The following LRCH3 variants were observed in gnomAD, a reference collection of about 807,000 sequenced individuals.
LRCH3 encodes leucine rich repeats and calponin homology domain containing 3, also known as DISP complex protein LRCH3.
LRCH3 carries 68 observed loss-of-function variants against 104.5 expected under a neutral mutation model. The observed-to-expected ratio is 0.65, with a 90% CI of 0.54 to 0.80. The LOEUF is 0.80. LRCH3 is among the 30% of genes least tolerant of loss of function. LRCH3 has a pLI of 0.00. For synonymous variants in LRCH3, 344 were observed against 361.3 expected (o/e 0.95, Z 0.54); for missense variants, 951 against 953.9 (o/e 1.00, Z 0.04).
chr3:197,869,077 G>C (rs1039310730), intron 17 of LRCH3, among the ~76,000 whole-genome samples: 3 of 152,194 alleles, frequency 2.0e-5, no homozygotes, highest in African/African-American at 7.2e-5. Context: ...GTGTATATTT[G>C]AAAATCTCCA....
intron 1 of LRCH3, among the ~76,000 whole-genome samples, chr3:197,803,051 T>C (rs1241736137): frequency 6.6e-6 from 1 of 152,160 alleles, no homozygotes; most frequent in Non-Finnish European, 1.5e-5. Context: ...GTGCTAAGAG[T>C]TGTTTTCTCA....
At chr3:197,836,912 G>C (rs557726218) in intron 9 of LRCH3, among the ~76,000 whole-genome samples, 1 of 151,910 alleles carries the variant, frequency 6.6e-6, no homozygotes, top group African/African-American at 2.4e-5. Context: ...TCCTGACCTC[G>C]GGTGATCTGC....
At chr3:197,847,506 G>C (rs770014655) in intron 11 of LRCH3, 46 bp downstream of exon 11, 1 of 1,515,404 alleles carries the variant, frequency 6.6e-7, no homozygotes, top group African/African-American at 1.4e-5. Context: ...AAACTAAGAT[G>C]ATTTTTTTTC....
intron 5 of LRCH3, among the ~76,000 whole-genome samples, chr3:197,827,388 C>CCATAGTGGAAGCATCAGGTAAAT (rs1735351087): frequency 2.6e-5 from 4 of 151,246 alleles, no homozygotes; most frequent in African/African-American, 9.8e-5. Flanking sequence ...ATCAGGTAAA[C>CCATAGTGGAAGCATCAGGTAAAT]CATAGTGGAA....
At chr3:197,820,211 G>T (rs764767627) in intron 3 of LRCH3, 114 bp from the exon 4 acceptor site, 8 of 711,426 alleles carry the variant, frequency 1.1e-5, no homozygotes, top group Non-Finnish European at 2.0e-5. Context: ...ATTGAATTAA[G>T]CTATTAAGTG....
At chr3:197,879,450 T>G (rs539364425) in intron 20 of LRCH3, among the ~76,000 whole-genome samples, 13 of 150,540 alleles carry the variant, frequency 8.6e-5, no homozygotes, top group South Asian at 4.2e-4. Context: ...ATCGAGACCA[T>G]CCTGGCTAAC....
intron 7 of LRCH3, 120 bp from the exon 8 acceptor site, chr3:197,832,077 C>T: frequency 1.0e-6 from 1 of 964,636 alleles, no homozygotes; most frequent in Non-Finnish European, 1.5e-6. Flanking sequence ...GCACATCTAG[C>T]TAATTTACTC....
In LRCH3 at chr3:197,885,054, G is replaced by GCCCTCTAT. The variant is rs1323106893; in HGVS notation, c.*1389_*1396dup. The GCCCTCTAT allele has an allele frequency of 1.3e-5, 2 of 152,152 alleles. No homozygotes were observed. Among genetic ancestry groups the GCCCTCTAT allele is most frequent in the Non-Finnish European group, 2.9e-5 (2 of 68,038 alleles). 9.4% of individuals were successfully genotyped at this position (152,152 alleles called of 1,614,324 possible). ...ATCTGGACATTATAATAAACAACAAGCCCTCTATACACAGGTTCCAAACCC... is the reference window on the plus strand; with the variant it reads ...ATCTGGACATTATAATAAACAACAAGCCCTCTATCCCTCTATACACAGGTTCCAAACCC... On this transcript the variant is annotated 3_prime_UTR_variant, in exon 21 of 21. Transcript: ENST00000425562.
chr3:197,853,548 C>T (rs1455884183), intron 13 of LRCH3, among the ~76,000 whole-genome samples: 1 of 152,128 alleles, frequency 6.6e-6, no homozygotes, highest in Non-Finnish European at 1.5e-5. Context: ...AGCGTTGTTT[C>T]ATGTGAATTT....
At chr3:197,850,824 GCTTTT>G in intron 12 of LRCH3, 2 of 1,136,164 alleles carry the variant, frequency 1.8e-6, no homozygotes, top group Non-Finnish European at 2.7e-6. Flanking sequence ...ATACTTCGTG[GCTTTT>G]CGTATATGCA....
In LRCH3 at chr3:197,866,228, T is replaced by A. The variant is rs1377652941; in HGVS notation, c.1873+9T>A. On this transcript the variant is annotated intron_variant, in intron 17 of 20. Coordinates refer to ENST00000425562, the MANE Select transcript of LRCH3 (RefSeq NM_001365715.1). The stretch of plus-strand genomic sequence containing the variant: ...GGCAGAAACCAACAAAGGTAGGTGG[T>A]GGTGATTTTAAAAGCCAGGAGCGAG... The A allele has an allele frequency of 1.2e-6, 2 of 1,607,048 alleles. No individual in the cohort carries two copies. The highest frequency in any genetic ancestry group is 1.7e-6 in the Non-Finnish European group (2 of 1,173,702).
chr3:197,826,782 T>C, intron 4 of LRCH3, 96 bp from the exon 5 acceptor site: 1 of 1,442,484 alleles, frequency 6.9e-7, no homozygotes, highest in Non-Finnish European at 9.7e-7. Flanking sequence ...TGGGAGTAAA[T>C]ATCTATGTTA....
chr3:197,840,165 C>T (rs1306799575), intron 10 of LRCH3, among the ~76,000 whole-genome samples: 1 of 151,906 alleles, frequency 6.6e-6, no homozygotes, highest in Non-Finnish European at 1.5e-5. Flanking sequence ...AGGCCCTGTG[C>T]GGTGGCTCAT....
At chr3:197,873,144 C>T (rs546099846) in intron 19 of LRCH3, among the ~76,000 whole-genome samples, 1 of 152,250 alleles carries the variant, frequency 6.6e-6, no homozygotes, top group East Asian at 1.9e-4. Flanking sequence ...TTGACACACC[C>T]CTCCTCTGTT....
chr3:197,883,054 A>G lies in LRCH3; in HGVS notation c.2209-487A>G. On this transcript the variant is annotated intron_variant, in intron 20 of 20. Coordinates refer to ENST00000425562, the MANE Select transcript of LRCH3 (RefSeq NM_001365715.1). The surrounding 1 kb of genome is among the most constrained non-coding windows in gnomAD (Gnocchi z 4.2). ...TCACAGTCAGGATTATAATGCAGATAGCGTAGAACTCATGCAGGCTGAGTT... is the reference window on the plus strand; with the variant it reads ...TCACAGTCAGGATTATAATGCAGATGGCGTAGAACTCATGCAGGCTGAGTT... 1.0e-6 allele frequency: 1 copy of G among 985,586 alleles called. No homozygotes were observed. The highest frequency in any genetic ancestry group is 1.2e-6 in the Non-Finnish European group (1 of 830,042). The allele number at this position is 985,586 out of a possible 1,614,324, so 61.1% of individuals were successfully genotyped here. A position where few individuals can be genotyped will look rare whatever the true frequency, so the allele number is the denominator to read the frequency against.
intron 8 of LRCH3, among the ~76,000 whole-genome samples, chr3:197,832,656 A>G (rs962428746): frequency 2.8e-5 from 4 of 145,444 alleles, no homozygotes; most frequent in Non-Finnish European, 6.0e-5. Context: ...TGCTGTGGTC[A>G]TTATTTGATC....
chr3:197,815,144 T>C (rs1560534113), intron 2 of LRCH3, 92 bp downstream of exon 2: 3 of 674,366 alleles, frequency 4.4e-6, no homozygotes, highest in African/African-American at 3.8e-5. Context: ...ATATATATGC[T>C]ATCTATTCAT....
intron 4 of LRCH3, among the ~76,000 whole-genome samples, chr3:197,826,420 A>G (rs753290438): frequency 3.3e-5 from 5 of 152,076 alleles, no homozygotes; most frequent in Non-Finnish European, 5.9e-5. Context: ...TTGTCATCCT[A>G]TTGTGCCTGG....
At chr3:197,843,078 C>A (rs1738049621) in intron 10 of LRCH3, among the ~76,000 whole-genome samples, 1 of 94,498 alleles carries the variant, frequency 1.1e-5, no homozygotes. Flanking sequence ...GAGCAAGACT[C>A]TGTCTTAAAA....
Sources: gnomAD v4.1 joint callset for allele counts (sites outside exome capture counted in the v4.1 genomes callset) on GRCh38, gnomAD v4.1.1 for gene constraint, Gnocchi (gnomAD v3.1) non-coding constraint, MANE v1.5 for transcripts, NCBI Gene and HGNC (gene_info 2026-07-23, HGNC 2026-07-21) for gene names.